The following PTPN11 variants were observed in gnomAD, a reference collection of about 807,000 sequenced individuals.
The protein encoded by PTPN11 is protein tyrosine phosphatase non-receptor type 11, also known as tyrosine-protein phosphatase non-receptor type 11.
PTPN11 carries 6 observed loss-of-function variants against 78.8 expected under a neutral mutation model. That is an observed-to-expected ratio of 0.08 (90% CI 0.04 to 0.15). The LOEUF is 0.15. PTPN11 is among the 10% of genes least tolerant of loss of function. PTPN11 has a pLI of 1.00. For synonymous variants in PTPN11, 221 were observed against 263.5 expected, an observed-to-expected ratio of 0.84 and a Z score of 1.56; for missense variants, 386 against 744.8, an observed-to-expected ratio of 0.52 and a Z score of 5.61.
chr12:112,488,914 C>G, intron 12 of PTPN11, 110 bp from the exon 13 acceptor site: 2 of 1,440,504 alleles, frequency 1.4e-6, no homozygotes, highest in Non-Finnish European at 1.9e-6. Context: ...TCAGTTAAAA[C>G]AGCAAAGACT....
chr12:112,421,340 C>G (rs2037519592), intron 1 of PTPN11, among the ~76,000 whole-genome samples: 1 of 152,196 alleles, frequency 6.6e-6, no homozygotes, highest in Non-Finnish European at 1.5e-5. Context: ...CCACCATAGT[C>G]AAGATAATGA....
intron 1 of PTPN11, among the ~76,000 whole-genome samples, chr12:112,433,888 G>A (rs1339270354): frequency 6.6e-6 from 1 of 152,176 alleles, no homozygotes; most frequent in Non-Finnish European, 1.5e-5. Flanking sequence ...TGCCTGGCAG[G>A]TTGAGGCTGT....
intron 5 of PTPN11, among the ~76,000 whole-genome samples, chr12:112,455,701 AAAAT>A (rs2038148944): frequency 6.6e-6 from 1 of 152,220 alleles, no homozygotes; most frequent in Non-Finnish European, 1.5e-5. Flanking sequence ...TTCATAAAGA[AAAAT>A]AGGCTTGAAT....
intron 15 of PTPN11, among the ~76,000 whole-genome samples, chr12:112,505,034 G>A (rs944430615): frequency 6.6e-6 from 1 of 152,192 alleles, no homozygotes; most frequent in Non-Finnish European, 1.5e-5. Context: ...ACTTATTCCA[G>A]AGAAATGGCT....
At chr12:112,490,721 A>G (rs1357391275) in intron 13 of PTPN11, among the ~76,000 whole-genome samples, 1 of 152,214 alleles carries the variant, frequency 6.6e-6, no homozygotes, top group Non-Finnish European at 1.5e-5. Flanking sequence ...TGCTGGGATT[A>G]CAAGTGTGAG....
intron 6 of PTPN11, among the ~76,000 whole-genome samples, chr12:112,464,569 C>G (rs1429262779): frequency 6.6e-6 from 1 of 151,980 alleles, no homozygotes; most frequent in Non-Finnish European, 1.5e-5. Context: ...ATTACAGGCA[C>G]GTACCACCAC....
At chr12:112,450,565 G>A (rs2135863333) in intron 3 of PTPN11, 53 bp downstream of exon 3, 1 of 1,529,230 alleles carries the variant, frequency 6.5e-7, no homozygotes, top group East Asian at 2.3e-5. Flanking sequence ...TGCCCTGAGT[G>A]TCAGAAATGC....
chr12:112,431,315 G>A (rs962277531), intron 1 of PTPN11, among the ~76,000 whole-genome samples: 1 of 152,196 alleles, frequency 6.6e-6, no homozygotes, highest in Non-Finnish European at 1.5e-5. Context: ...AGGATTGCTT[G>A]AGCCCAGGAG....
rs752392909 is a variant in PTPN11, at chr12:112,477,980, A to G, written c.1057A>G (p.Ile353Val). ...GGTGTTCCAAGAAAACTCCCGAGTG[A>G]TTGTCATGACAACGAAAGAAGTGGA... ...RMVFQENSRV[I>V]VMTTKEVERG... is the part of the protein sequence containing the mutation. Residue 353 changes from isoleucine (I) to valine (V), a missense_variant, in exon 9 of 16, where the codon ATT (isoleucine) becomes GTT (valine). Ile to Val is a conservative substitution (Grantham distance 29). This residue lies in a region of PTPN11 where 279 missense variants were observed against 503.3 expected (regional missense o/e 0.55). Transcript: ENST00000351677. 6.2e-7 allele frequency: 1 copy of G among 1,614,038 alleles called. No homozygotes were observed. The highest frequency in any genetic ancestry group is 1.1e-5 in the South Asian group (1 of 91,090).
intron 9 of PTPN11, 116 bp downstream of exon 9, chr12:112,478,131 A>G (rs2038538514): frequency 8.4e-7 from 1 of 1,192,618 alleles, no homozygotes; most frequent in Non-Finnish European, 1.2e-6. Context: ...GATTCTCTGG[A>G]AAAAAGGGAC....
intron 6 of PTPN11, among the ~76,000 whole-genome samples, chr12:112,470,500 G>A (rs551079138): frequency 2.4e-4 from 37 of 152,324 alleles, no homozygotes; most frequent in African/African-American, 8.9e-4. Context: ...GCCCTGATTA[G>A]CTCAGAGACT....
chr12:112,460,135 G>A (rs1378471662), intron 6 of PTPN11, among the ~76,000 whole-genome samples: 1 of 151,650 alleles, frequency 6.6e-6, no homozygotes, highest in Non-Finnish European at 1.5e-5. Context: ...TTTAGTAGAG[G>A]TGGGGTTTCA....
chr12:112,484,135 C>A (rs79000667), intron 10 of PTPN11, among the ~76,000 whole-genome samples: 1 of 151,848 alleles, frequency 6.6e-6, no homozygotes, highest in Non-Finnish European at 1.5e-5. Context: ...CCTATCCTCT[C>A]GGAAGCTTGA....
At chr12:112,481,749 C>T (rs1229078985) in intron 9 of PTPN11, among the ~76,000 whole-genome samples, 1 of 152,186 alleles carries the variant, frequency 6.6e-6, no homozygotes, top group Non-Finnish European at 1.5e-5. Flanking sequence ...GCCTCGGCCA[C>T]CCGAACTGCT....
At chr12:112,429,782 G>A (rs1401913736) in intron 1 of PTPN11, among the ~76,000 whole-genome samples, 3 of 149,218 alleles carry the variant, frequency 2.0e-5, no homozygotes, top group Non-Finnish European at 4.4e-5. Flanking sequence ...CAGCCTGGGT[G>A]ACAGAGCAGG....
chr12:112,444,738 T>A (rs2037964224), intron 1 of PTPN11, among the ~76,000 whole-genome samples: 1 of 152,232 alleles, frequency 6.6e-6, no homozygotes. Flanking sequence ...AATCTGTTAC[T>A]ATCATTGTTT....
intron 6 of PTPN11, among the ~76,000 whole-genome samples, chr12:112,471,892 A>G (rs576151151): frequency 6.6e-6 from 1 of 152,170 alleles, no homozygotes; most frequent in Non-Finnish European, 1.5e-5. Flanking sequence ...ATCTGGGATT[A>G]CAGGGGTGTG....
At chr12:112,466,016 CTAT>C (rs949136774) in intron 6 of PTPN11, among the ~76,000 whole-genome samples, 1 of 152,122 alleles carries the variant, frequency 6.6e-6, no homozygotes, top group Non-Finnish European at 1.5e-5. Flanking sequence ...ATGTCTGGAT[CTAT>C]TCTAGGTTTT....
intron 1 of PTPN11, among the ~76,000 whole-genome samples, chr12:112,437,204 G>A (rs2037806119): frequency 6.6e-6 from 1 of 152,088 alleles, no homozygotes; most frequent in Admixed American, 6.6e-5. Context: ...AGGCTGGAGT[G>A]CAGTGGAATG....
Sources: gnomAD v4.1 joint callset for allele counts (sites outside exome capture counted in the v4.1 genomes callset) on GRCh38, gnomAD v4.1.1 for gene constraint, gnomAD v4.1.1 regional missense constraint, MANE v1.5 for transcripts, NCBI Gene and HGNC (gene_info 2026-07-23, HGNC 2026-07-21) for gene names.